KIAA1217: variants seen among roughly 807,000 people sequenced by gnomAD.
The protein encoded by KIAA1217 is KIAA1217.
Under a neutral mutation model 163.9 loss-of-function variants are expected in KIAA1217, and 88 were observed. The ratio of observed to expected loss-of-function variants is 0.54; its 90% CI spans 0.45 to 0.64. KIAA1217 has a LOEUF of 0.64. KIAA1217 is among the 30% of genes least tolerant of loss of function. KIAA1217 has a pLI of 0.00. For synonymous variants in KIAA1217, 903 were observed against 923.1 expected, an observed-to-expected ratio of 0.98 and a Z score of 0.39; for missense variants, 2,372 against 2,475.0, an observed-to-expected ratio of 0.96 and a Z score of 0.88.
chr10:24,020,169 G>A (rs1199763054), intron 2 of KIAA1217, among the ~76,000 whole-genome samples: 2 of 152,134 alleles, frequency 1.3e-5, no homozygotes. Context: ...AAAACTTCTA[G>A]AGCGTTGGGT....
chr10:24,014,467 G>T (rs1847384730), intron 2 of KIAA1217, among the ~76,000 whole-genome samples: 1 of 152,100 alleles, frequency 6.6e-6, no homozygotes, highest in South Asian at 2.1e-4. Flanking sequence ...GCATTTGCTT[G>T]TTGGAAACAA....
chr10:24,241,544 T>G (rs2073102953), intron 2 of KIAA1217, among the ~76,000 whole-genome samples: 1 of 152,120 alleles, frequency 6.6e-6, no homozygotes, highest in South Asian at 2.1e-4. Context: ...AGAGTCGGAT[T>G]TTAATGTTAC....
chr10:24,314,667 T>C (rs74230820), intron 2 of KIAA1217, among the ~76,000 whole-genome samples: 8,302 of 152,112 alleles, frequency 0.055, 509 homozygotes, highest in African/African-American at 0.14. Context: ...ATTGGCCGGG[T>C]GCAGTGGCTC....
chr10:23,943,415 A>C (rs1332345470), intron 1 of KIAA1217, among the ~76,000 whole-genome samples: 7 of 152,244 alleles, frequency 4.6e-5, no homozygotes, highest in Non-Finnish European at 7.3e-5. Flanking sequence ...ATTTAACAAA[A>C]GATGTGAATA....
chr10:24,544,766 T>C (rs1171170802), intron 19 of KIAA1217, among the ~76,000 whole-genome samples: 2 of 152,228 alleles, frequency 1.3e-5, no homozygotes, highest in Non-Finnish European at 2.9e-5. Flanking sequence ...AAATGGTTGC[T>C]CTGATACTCA....
intron 1 of KIAA1217, among the ~76,000 whole-genome samples, chr10:23,717,094 C>G (rs1419041155): frequency 6.6e-6 from 1 of 152,092 alleles, no homozygotes; most frequent in Non-Finnish European, 1.5e-5. Flanking sequence ...TTACTTTGCC[C>G]CTTCTCTTCC....
chr10:24,133,477 C>T (rs1213692547), intron 2 of KIAA1217, among the ~76,000 whole-genome samples: 1 of 150,306 alleles, frequency 6.7e-6, no homozygotes, highest in Non-Finnish European at 1.5e-5. Flanking sequence ...GAGGGTGAGG[C>T]AGAAGAATCA....
intron 1 of KIAA1217, among the ~76,000 whole-genome samples, chr10:23,730,806 A>G (rs912891661): frequency 6.6e-6 from 1 of 152,168 alleles, no homozygotes; most frequent in Non-Finnish European, 1.5e-5. Context: ...TATTGCTGGT[A>G]TATAGGAAAG....
intron 1 of KIAA1217, among the ~76,000 whole-genome samples, chr10:23,843,522 C>T (rs552586834): frequency 6.6e-6 from 1 of 152,224 alleles, no homozygotes; most frequent in Non-Finnish European, 1.5e-5. Context: ...ACTTGGTGCT[C>T]TTTAACATCT....
At chr10:24,154,534 C>T (rs1330408845) in intron 2 of KIAA1217, among the ~76,000 whole-genome samples, 3 of 152,134 alleles carry the variant, frequency 2.0e-5, no homozygotes, top group African/African-American at 7.2e-5. Context: ...TTGTGTGATG[C>T]TGCATACCTG....
intron 2 of KIAA1217, among the ~76,000 whole-genome samples, chr10:24,253,444 C>T (rs940421359): frequency 2.0e-5 from 3 of 152,212 alleles, no homozygotes; most frequent in Non-Finnish European, 4.4e-5. Flanking sequence ...GTGATTTGCT[C>T]ACCCAGGCTC....
Position 24,185,182 on chromosome 10 carries a change from C to A in KIAA1217, c.-170-34444C>A, listed in dbSNP as rs2066923. Among the ~76,000 whole-genome samples the A allele has an allele frequency of 9.8e-3, 1,492 of 152,268 alleles. 9 individuals carry two copies. The highest frequency in any genetic ancestry group is 0.024 in the Middle Eastern group (7 of 294). On this transcript the variant is annotated intron_variant, in intron 2 of 18. Transcript: ENST00000376462. ...TCAGAATCACCATTTACCCACCTGT[C>A]TCTGTTGTGGGAGTCTTCACACTTC... is the stretch of plus-strand genomic sequence containing the variant.
chr10:24,057,277 T>C (rs542621723), intron 2 of KIAA1217, among the ~76,000 whole-genome samples: 5 of 152,116 alleles, frequency 3.3e-5, no homozygotes, highest in South Asian at 2.1e-4. Flanking sequence ...AAATGTATTA[T>C]GGCAACATAA....
intron 2 of KIAA1217, among the ~76,000 whole-genome samples, chr10:24,124,937 AG>A: frequency 6.6e-6 from 1 of 152,224 alleles, no homozygotes; most frequent in East Asian, 1.9e-4. Flanking sequence ...CTATTCTATG[AG>A]ACTGTTTTTA....
intron 2 of KIAA1217, among the ~76,000 whole-genome samples, chr10:24,011,887 A>C (rs539121878): frequency 1.0e-3 from 156 of 152,116 alleles, no homozygotes; most frequent in Admixed American, 2.2e-3. Flanking sequence ...CTTTTTCCAA[A>C]CCAGCATTTC....
chr10:23,745,939 G>A (rs765679397), intron 1 of KIAA1217, among the ~76,000 whole-genome samples: 3 of 152,202 alleles, frequency 2.0e-5, no homozygotes, highest in African/African-American at 4.8e-5. Context: ...AGACTTTCCT[G>A]ATATTTTATG....
At chr10:24,430,495 C>G (rs1352264458) in intron 3 of KIAA1217, among the ~76,000 whole-genome samples, 1 of 152,122 alleles carries the variant, frequency 6.6e-6, no homozygotes, top group South Asian at 2.1e-4. Flanking sequence ...ATGATTCAAA[C>G]GCATTACATT....
chr10:24,479,180 A>G (rs2065355), intron 6 of KIAA1217, among the ~76,000 whole-genome samples: 39,030 of 152,154 alleles, frequency 0.26, 5,323 homozygotes, highest in South Asian at 0.48. Context: ...CCACATGGCA[A>G]CTGGCAGCTT....
intron 2 of KIAA1217, among the ~76,000 whole-genome samples, chr10:24,069,221 C>A (rs576893094): frequency 1.2e-4 from 18 of 152,194 alleles, no homozygotes; most frequent in Non-Finnish European, 2.5e-4. Context: ...ACAGGTGAGA[C>A]AAAAGCCAGT....
Sources: allele counts gnomAD v4.1 joint callset (sites outside exome capture counted in the v4.1 genomes callset), GRCh38; gene constraint gnomAD v4.1.1; transcripts MANE v1.5; gene names NCBI Gene and HGNC (gene_info 2026-07-23, HGNC 2026-07-21).